Variants in USF3 observed in about 807,000 individuals in gnomAD.
The protein encoded by USF3 is upstream transcription factor family member 3, also known as basic helix-loop-helix domain-containing protein USF3.
In USF3, 29 loss-of-function variants were observed where a neutral mutation model predicts 157.5. The ratio of observed to expected loss-of-function variants is 0.18; its 90% CI spans 0.14 to 0.25. The LOEUF is 0.25. Among genes scored for constraint, USF3 ranks in the 10% least tolerant of loss-of-function variants. USF3 has a pLI of 1.00. For missense variants in USF3, 2,381 were observed against 2,667.6 expected (o/e 0.89, Z 2.37); for synonymous variants, 893 against 941.4 (o/e 0.95, Z 0.94).
At position 113,659,874 on chromosome 3, in the gene USF3, C is replaced by T. The variant is rs372085417; in HGVS notation, c.1808G>A (p.Arg603Gln). Residue 603 changes from arginine (R) to glutamine (Q), a missense_variant, in exon 7 of 7, where the codon CGA (arginine) becomes CAA (glutamine). Coordinates refer to ENST00000316407, the MANE Select transcript of USF3 (RefSeq NM_001009899.4). ...AGTATTGGCTCCATTGATGGGGAGT[C>T]GAACAGAACCAGGAGGTGGAGCAGG... Reference protein sequence around the residue: ...LLPAPPPGSVRLPINGANTVI... With the variant: ...LLPAPPPGSVQLPINGANTVI... 31 of 1,613,998 alleles carry T rather than the reference C, an allele frequency of 1.9e-5. No homozygotes were observed. Among genetic ancestry groups the T allele is most frequent in the Admixed American group, 5.0e-5 (3 of 59,980 alleles).
chr3:113,689,176 A>C (rs1707630234), intron 1 of USF3, among the ~76,000 whole-genome samples: 1 of 152,234 alleles, frequency 6.6e-6, no homozygotes, highest in Non-Finnish European at 1.5e-5. Context: ...CAAAGCTGGC[A>C]GGTACTGGCT....
chr3:113,669,528 AC>A (rs1462894133), intron 5 of USF3, among the ~76,000 whole-genome samples: 2 of 151,520 alleles, frequency 1.3e-5, no homozygotes, highest in African/African-American at 4.8e-5. Context: ...TATTTTTTAA[AC>A]CTTTTTGTGC....
chr3:113,690,138 C>T (rs1032035656), intron 1 of USF3, among the ~76,000 whole-genome samples: 7 of 152,090 alleles, frequency 4.6e-5, no homozygotes, highest in Admixed American at 4.6e-4. Context: ...GATCTATTTC[C>T]AAGTTCTCCA....
At chr3:113,673,486 G>T in intron 3 of USF3, 110 bp from the exon 4 acceptor site, 1 of 676,602 alleles carries the variant, frequency 1.5e-6, no homozygotes, top group South Asian at 1.7e-5. Flanking sequence ...TGTATTTGTT[G>T]CAGCAATAAG....
chr3:113,658,234 T>G lies in USF3; in HGVS notation c.3448A>C (p.Arg1150=). The change falls in exon 7 of 7, where the codon AGA becomes CGA. Residue 1150 remains arginine (R), a synonymous_variant. Transcript: ENST00000316407. ...IFDQENLEKG[R]VGLQADIREV... ...CTTATATCAGCCTGGAGGCCAACTCTCCCCTTCTCAAGGTTCTCCTGGTCA... is the reference window on the plus strand; with the variant it reads ...CTTATATCAGCCTGGAGGCCAACTCGCCCCTTCTCAAGGTTCTCCTGGTCA... The G allele has an allele frequency of 6.2e-7, 1 of 1,614,120 alleles. No individual in the cohort carries two copies. Among genetic ancestry groups the G allele is most frequent in the Non-Finnish European group, 8.5e-7 (1 of 1,180,006 alleles).
At chr3:113,680,753 A>C (rs1205187029) in intron 1 of USF3, among the ~76,000 whole-genome samples, 1 of 151,204 alleles carries the variant, frequency 6.6e-6, no homozygotes, top group Non-Finnish European at 1.5e-5. Context: ...GTGAGCCAAG[A>C]TCACACGCCA....
intron 5 of USF3, among the ~76,000 whole-genome samples, chr3:113,668,646 A>C (rs1433312697): frequency 1.3e-5 from 2 of 151,970 alleles, no homozygotes; most frequent in African/African-American, 4.8e-5. Flanking sequence ...TTTCAGGAAA[A>C]CCCCCTCAAA....
chr3:113,688,538 T>G (rs143284080), intron 1 of USF3, among the ~76,000 whole-genome samples: 12 of 152,342 alleles, frequency 7.9e-5, no homozygotes, highest in African/African-American at 2.9e-4. Context: ...TTCCAGAGAT[T>G]GGTTCAGTAT....
chr3:113,682,351 A>C (rs1707453361), intron 1 of USF3, among the ~76,000 whole-genome samples: 1 of 133,324 alleles, frequency 7.5e-6, no homozygotes, highest in Non-Finnish European at 1.6e-5. Context: ...ACAAACAAAC[A>C]AAAAAAAAAA....
Position 113,657,321 on chromosome 3 carries a change from T to G in USF3, c.4361A>C (p.His1454Pro). The change falls in exon 7 of 7, where the codon CAT (histidine) becomes CCT (proline). Residue 1454 changes from histidine (H) to proline (P), a missense_variant. His to Pro is a moderately conservative substitution (Grantham distance 77). This residue lies in a region of USF3 where 1,435 missense variants were observed against 1,550.9 expected (regional missense o/e 0.93). Coordinates refer to ENST00000316407, the MANE Select transcript of USF3 (RefSeq NM_001009899.4). ...CTGCTTTATGTAGAGATGGTTACTA[T>G]GAAGGTGAGATACACCTTGAGCTGG... ...HVPAQGVSHL[H>P]SNHLYIKQQQ... The G allele has an allele frequency of 1.2e-6, 2 of 1,613,720 alleles. No homozygotes were observed. The highest frequency in any genetic ancestry group is 1.7e-6 in the Non-Finnish European group (2 of 1,179,816).
chr3:113,677,678 ACCT>A (rs1385003908), intron 1 of USF3, among the ~76,000 whole-genome samples: 1 of 152,088 alleles, frequency 6.6e-6, no homozygotes, highest in Non-Finnish European at 1.5e-5. Context: ...TGCTCATTGT[ACCT>A]TAGGTCCTCA....
At position 113,655,889 on chromosome 3, in the gene USF3, G is replaced by A. The variant is rs1317526720; in HGVS notation, c.5793C>T (p.Thr1931=). 6.2e-7 allele frequency: 1 copy of A among 1,614,046 alleles called. No individual in the cohort carries two copies. The highest frequency in any genetic ancestry group is 2.2e-5 in the East Asian group (1 of 44,898). Residue 1931 remains threonine (T), a synonymous_variant, in exon 7 of 7, where the codon ACC becomes ACT. Transcript: ENST00000316407. Reference sequence around the variant, plus strand: ...TGACTGGAGGGTTCATGTGGCCCTTGGTGGCATGACTCTCAGTAATCCTCA... The same window carrying A: ...TGACTGGAGGGTTCATGTGGCCCTTAGTGGCATGACTCTCAGTAATCCTCA... ...NPMRITESHA[T]KGHMNPPVTT...
rs1947481962 is a variant in USF3 at position 113,661,326 on chromosome 3, T to C, written c.356A>G (p.Asp119Gly). The C allele has an allele frequency of 6.2e-7, 1 of 1,613,938 alleles. No homozygotes were observed. The highest frequency in any genetic ancestry group is 8.5e-7 in the Non-Finnish European group (1 of 1,179,800). ...TCCTTTCCAGTGAATTGTCGGGTCA[T>C]CATATAAGCATATGTCATTAGCTTT... is the stretch of plus-strand genomic sequence containing the variant. The part of the protein sequence containing the change: ...LLKANDICLY[D>G]DPTIHWKGNL... The change falls in exon 7 of 7, where the codon GAT becomes GGT. Residue 119 changes from aspartate to glycine, a missense_variant. Asp to Gly is a moderately conservative substitution (Grantham distance 94, BLOSUM62 -1). Around this residue, in one of 6 missense-constraint regions of USF3, gnomAD observed 105 missense variants for 158.6 expected, o/e 0.66. Coordinates refer to ENST00000316407, the MANE Select transcript of USF3 (RefSeq NM_001009899.4).
In USF3 at chr3:113,674,897, C is replaced by G; in HGVS notation, c.-18-1G>C. On this transcript the variant is annotated splice_acceptor_variant, in intron 2 of 6. Coordinates refer to ENST00000316407, the MANE Select transcript of USF3 (RefSeq NM_001009899.4). LOFTEE classifies it low-confidence loss of function (5UTR_SPLICE). ...CTGGCATGGTTACAGTAATAGGAAC[C>G]TACAGAAGGATAGAAAGACACACCA... 1 of 1,601,476 alleles carries G rather than the reference C, an allele frequency of 6.2e-7. No homozygotes were observed. The highest frequency in any genetic ancestry group is 8.6e-7 in the Non-Finnish European group (1 of 1,168,634).
Position 113,659,841 on chromosome 3 carries a change from C to G in USF3, c.1841G>C (p.Gly614Ala). 6.2e-7 allele frequency: 1 copy of G among 1,614,074 alleles called. No homozygotes were observed. Among genetic ancestry groups the G allele is most frequent in the Non-Finnish European group, 8.5e-7 (1 of 1,180,006 alleles). Residue 614 changes from glycine (G) to alanine (A), a missense_variant, in exon 7 of 7, where the codon GGG (glycine) becomes GCG (alanine). Coordinates refer to ENST00000316407, the MANE Select transcript of USF3 (RefSeq NM_001009899.4). ...AACATTTTGCACTGAATTATTAGACCCTATTACAGTATTGGCTCCATTGAT... is the reference window on the plus strand; with the variant it reads ...AACATTTTGCACTGAATTATTAGACGCTATTACAGTATTGGCTCCATTGAT... ...LPINGANTVI[G>A]SNNSVQNVPT...
At chr3:113,670,227 T>C (rs1707117325) in intron 4 of USF3, 24 bp from the exon 5 acceptor site, 7 of 1,417,876 alleles carry the variant, frequency 4.9e-6, no homozygotes, top group Non-Finnish European at 7.0e-6. Context: ...AATTCGTTTA[T>C]CAAACCTTAC....
rs1553824100 is a variant in USF3 at position 113,652,103 on chromosome 3, G to GAGAA, written c.*2840_*2841insTTCT. On this transcript the variant is annotated 3_prime_UTR_variant, in exon 7 of 7. Coordinates refer to ENST00000316407, the MANE Select transcript of USF3 (RefSeq NM_001009899.4). ...GCCACTGGAGAGAGAGAGAGAGAGA[G>GAGAA]AGAGAGTGTGTGTGTGTGTGTGTGT... The GAGAA allele has an allele frequency of 2.3e-5, 3 of 131,244 alleles. No individual in the cohort carries two copies. The highest frequency in any genetic ancestry group is 8.3e-5 in the African/African-American group (3 of 36,092). The allele number at this position is 131,244 out of a possible 1,614,324, so 8.1% of individuals were successfully genotyped here. A position where few individuals can be genotyped will look rare whatever the true frequency, so the allele number is the denominator to read the frequency against.
At chr3:113,687,992 G>C (rs76586771) in intron 1 of USF3, among the ~76,000 whole-genome samples, 2 of 152,098 alleles carry the variant, frequency 1.3e-5, no homozygotes, top group African/African-American at 4.8e-5. Context: ...CTGATTCCAG[G>C]GTCAGCTAAT....
chr3:113,668,386 T>C (rs962501754), intron 5 of USF3, among the ~76,000 whole-genome samples: 2 of 150,990 alleles, frequency 1.3e-5, no homozygotes, highest in African/African-American at 4.9e-5. Flanking sequence ...CTCTTCCTCT[T>C]CCTACCAGTC....
Sources: gnomAD v4.1 joint callset for allele counts (sites outside exome capture counted in the v4.1 genomes callset) on GRCh38, gnomAD v4.1.1 for gene constraint, gnomAD v4.1.1 regional missense constraint, MANE v1.5 for transcripts, NCBI Gene and HGNC (gene_info 2026-07-23, HGNC 2026-07-21) for gene names.